The following PAPPA2 variants were observed in gnomAD, a reference collection of about 807,000 sequenced individuals.
PAPPA2 encodes the protein pappalysin 2.
In PAPPA2, 86 loss-of-function variants were observed where a neutral mutation model predicts 176.4. The ratio of observed to expected loss-of-function variants is 0.49; its 90% CI spans 0.41 to 0.58. PAPPA2 has a LOEUF of 0.58. Ranked by LOEUF, PAPPA2 falls within the 20% of genes least tolerant of loss-of-function variation. PAPPA2 has a pLI of 0.00. For synonymous variants in PAPPA2, 809 were observed against 852.2 expected (o/e 0.95, Z 0.88); for missense variants, 2,073 against 2,256.9 (o/e 0.92, Z 1.65).
chr1:176,837,654 T>C (rs768822761), intron 21 of PAPPA2, among the ~76,000 whole-genome samples: 4 of 152,190 alleles, frequency 2.6e-5, no homozygotes, highest in African/African-American at 4.8e-5. Flanking sequence ...GGTATACATA[T>C]GGGTGGTGAC....
intron 14 of PAPPA2, among the ~76,000 whole-genome samples, chr1:176,745,610 A>G (rs1469464514): frequency 6.6e-6 from 1 of 152,250 alleles, no homozygotes; most frequent in East Asian, 1.9e-4. Context: ...ATTAACTACT[A>G]AAGGGCAGGG....
chr1:176,537,456 A>G (rs1185066897), intron 1 of PAPPA2: 1 of 152,206 alleles, frequency 6.6e-6, no homozygotes, highest in African/African-American at 2.4e-5. Context: ...TTCATCTGGC[A>G]TGTATTTTAA....
At chr1:176,578,791 T>G (rs1247087060) in intron 2 of PAPPA2, among the ~76,000 whole-genome samples, 1 of 152,166 alleles carries the variant, frequency 6.6e-6, no homozygotes, top group East Asian at 1.9e-4. Context: ...AAAGGGGCAC[T>G]TTTTGCTTTT....
At chr1:176,643,558 T>C (rs1001180093) in intron 3 of PAPPA2, among the ~76,000 whole-genome samples, 3 of 151,680 alleles carry the variant, frequency 2.0e-5, no homozygotes, top group Admixed American at 1.3e-4. Flanking sequence ...GGAGTACCAG[T>C]ATACACAGAG....
chr1:176,480,524 G>C (rs929107058), intron 1 of PAPPA2, among the ~76,000 whole-genome samples: 6 of 152,196 alleles, frequency 3.9e-5, no homozygotes, highest in African/African-American at 1.2e-4. Flanking sequence ...GCAAGTAGGT[G>C]GTGGGGCATG....
intron 8 of PAPPA2, among the ~76,000 whole-genome samples, chr1:176,700,696 A>G (rs1660613973): frequency 6.6e-6 from 1 of 152,216 alleles, no homozygotes; most frequent in Admixed American, 6.5e-5. Context: ...ATAATGTTCC[A>G]CTAGCCAAAG....
chr1:176,706,283 G>T (rs1021431250), intron 9 of PAPPA2, 76 bp from the exon 10 acceptor site: 16 of 1,323,444 alleles, frequency 1.2e-5, no homozygotes, highest in Non-Finnish European at 3.2e-6. Context: ...GAAATTGTAA[G>T]AATTTTAAAT....
chr1:176,790,048 G>C, intron 18 of PAPPA2, 71 bp downstream of exon 18: 1 of 1,521,976 alleles, frequency 6.6e-7, no homozygotes. Flanking sequence ...CAAGAAATTT[G>C]AGAAATGAAA....
intron 3 of PAPPA2, among the ~76,000 whole-genome samples, chr1:176,623,683 T>C (rs945926737): frequency 7.5e-5 from 11 of 147,116 alleles, no homozygotes; most frequent in Admixed American, 2.0e-4. Context: ...CTTTCTTTCT[T>C]TCTCTCTCTC....
intron 3 of PAPPA2, among the ~76,000 whole-genome samples, chr1:176,605,100 C>T (rs1654536886): frequency 6.6e-6 from 1 of 152,052 alleles, no homozygotes; most frequent in Non-Finnish European, 1.5e-5. Flanking sequence ...CCTGAGTCCC[C>T]AGGAGGCTCT....
At chr1:176,602,116 A>G (rs1052611203) in intron 3 of PAPPA2, among the ~76,000 whole-genome samples, 25 of 152,318 alleles carry the variant, frequency 1.6e-4, no homozygotes, top group African/African-American at 6.0e-4. Flanking sequence ...GGGATACTGC[A>G]TATTTGTTTT....
intron 21 of PAPPA2, among the ~76,000 whole-genome samples, chr1:176,804,904 A>G (rs1571352332): frequency 6.6e-6 from 1 of 151,772 alleles, no homozygotes; most frequent in East Asian, 1.9e-4. Context: ...CTTGTCCAAT[A>G]AAGTGTACTT....
At chr1:176,634,095 A>G (rs907849083) in intron 3 of PAPPA2, among the ~76,000 whole-genome samples, 1 of 152,230 alleles carries the variant, frequency 6.6e-6, no homozygotes, top group African/African-American at 2.4e-5. Flanking sequence ...ATTACTGGGT[A>G]TATACCCAAA....
At position 176,765,755 on chromosome 1, in the gene PAPPA2, C is replaced by T. The variant is rs1557857238; in HGVS notation, c.4241C>T (p.Pro1414Leu). 1 of 1,614,062 alleles carries T rather than the reference C, an allele frequency of 6.2e-7. No individual in the cohort carries two copies. Among genetic ancestry groups the T allele is most frequent in the Non-Finnish European group, 8.5e-7 (1 of 1,180,026 alleles). The change falls in exon 15 of 23, where the codon CCA becomes CTA. Residue 1414 changes from proline to leucine, a missense_variant. By Grantham distance (98) the Pro-to-Leu change is moderately conservative. Around this residue, in one of 4 missense-constraint regions of PAPPA2, gnomAD observed 846 missense variants for 857.9 expected, o/e 0.99. Coordinates refer to ENST00000367662, the MANE Select transcript of PAPPA2 (RefSeq NM_020318.3). ...GTGGTGAACTGTACCTCTATAGGCCCAGGTCTCATGAAGTGTGCTATCACT... is the reference window on the plus strand; with the variant it reads ...GTGGTGAACTGTACCTCTATAGGCCTAGGTCTCATGAAGTGTGCTATCACT... ...ADVVNCTSIG[P>L]GLMKCAITCQ...
chr1:176,675,985 A>C (rs1048651639), intron 4 of PAPPA2, among the ~76,000 whole-genome samples: 3 of 152,080 alleles, frequency 2.0e-5, no homozygotes, highest in Admixed American at 6.6e-5. Flanking sequence ...AACAATGTTC[A>C]ATAAAATTAA....
chr1:176,798,370 G>A (rs12118260), intron 20 of PAPPA2, among the ~76,000 whole-genome samples: 13,006 of 152,206 alleles, frequency 0.085, 711 homozygotes, highest in Non-Finnish European at 0.12. Flanking sequence ...CTGACCCATA[G>A]TGAGTGAGTG....
chr1:176,523,295 T>C (rs1270031757), intron 1 of PAPPA2, among the ~76,000 whole-genome samples: 1 of 152,240 alleles, frequency 6.6e-6, no homozygotes, highest in East Asian at 1.9e-4. Flanking sequence ...CCAAGAAGTC[T>C]GTTCTCTAAT....
intron 1 of PAPPA2, among the ~76,000 whole-genome samples, chr1:176,482,950 G>A (rs1652471537): frequency 6.6e-6 from 1 of 152,122 alleles, no homozygotes; most frequent in African/African-American, 2.4e-5. Context: ...GGCATCCTAA[G>A]GAAAATCAGA....
intron 21 of PAPPA2, among the ~76,000 whole-genome samples, chr1:176,834,998 G>A (rs1208731879): frequency 6.6e-6 from 1 of 151,984 alleles, no homozygotes; most frequent in African/African-American, 2.4e-5. Flanking sequence ...AAGCTATGGG[G>A]GTCCAGAGGA....
Sources: allele counts gnomAD v4.1 joint callset (sites outside exome capture counted in the v4.1 genomes callset), GRCh38; gene constraint gnomAD v4.1.1; regional missense constraint gnomAD v4.1.1; transcripts MANE v1.5; gene names NCBI Gene and HGNC (gene_info 2026-07-23, HGNC 2026-07-21).